The following MAPK8 variants were observed in gnomAD, a reference collection of about 807,000 sequenced individuals.
The protein encoded by MAPK8 is JUN N-terminal kinase.
Under a neutral mutation model 52.9 loss-of-function variants are expected in MAPK8, and 13 were observed. The observed-to-expected ratio is 0.25, with a 90% CI of 0.16 to 0.39. The LOEUF (loss-of-function observed/expected upper bound fraction) is 0.39. Among genes scored for constraint, MAPK8 ranks in the 10% least tolerant of loss-of-function variants. The pLI, the probability that MAPK8 is intolerant of heterozygous loss-of-function variation, is 1.00. For missense variants in MAPK8, 300 were observed against 519.2 expected (o/e 0.58, Z 4.10); for synonymous variants, 191 against 169.8 (o/e 1.12, Z -0.97).
At chr10:48,383,996 C>T (rs2041164304) in intron 1 of MAPK8, among the ~76,000 whole-genome samples, 1 of 152,210 alleles carries the variant, frequency 6.6e-6, no homozygotes, top group Non-Finnish European at 1.5e-5. Flanking sequence ...GTGGCTCATG[C>T]CTGCAATCCC....
rs73293187 is a variant in MAPK8, at chr10:48,331,669, C to T, written c.-50+24848C>T. Among the ~76,000 whole-genome samples the T allele has an allele frequency of 3.5e-3, 527 of 152,284 alleles. 5 individuals are homozygous for T. The highest frequency in any genetic ancestry group is 0.012 in the African/African-American group (514 of 41,562). On this transcript the variant is annotated intron_variant, in intron 1 of 11. Transcript: ENST00000374189. The stretch of plus-strand genomic sequence containing the variant: ...GGCTGGAAGTGGTGAACCGTGAACT[C>T]AAGAGGTGGCATTTGAGTCAGAAGT...
chr10:48,438,596 T>C lies in MAPK8; in HGVS notation c.*3567T>C, dbSNP rs1339162455. 1 of 152,252 alleles carries C rather than the reference T, an allele frequency of 6.6e-6. No individual in the cohort carries two copies. The highest frequency in any genetic ancestry group is 1.5e-5 in the Non-Finnish European group (1 of 68,044). 9.4% of individuals were successfully genotyped at this position (152,252 alleles called of 1,614,324 possible). ...TTTGCACAATGTTCTATTCTCATAA[T>C]GACTTACAAATTAAACTAGGTTTTT... On this transcript the variant is annotated 3_prime_UTR_variant, in exon 12 of 12. Coordinates refer to ENST00000374189, the MANE Select transcript of MAPK8 (RefSeq NM_001323329.2).
At chr10:48,324,212 T>A (rs1156304283) in intron 1 of MAPK8, among the ~76,000 whole-genome samples, 2 of 152,350 alleles carry the variant, frequency 1.3e-5, no homozygotes, top group East Asian at 3.9e-4. Flanking sequence ...TATTCAAGTT[T>A]TGCTAATTAT....
intron 1 of MAPK8, among the ~76,000 whole-genome samples, chr10:48,332,192 C>G (rs951360373): frequency 6.6e-6 from 1 of 152,200 alleles, no homozygotes; most frequent in African/African-American, 2.4e-5. Flanking sequence ...AGGTGACCTA[C>G]GATCACCAGT....
At chr10:48,421,317 A>C (rs1311595736) in intron 6 of MAPK8, among the ~76,000 whole-genome samples, 1 of 152,184 alleles carries the variant, frequency 6.6e-6, no homozygotes, top group Non-Finnish European at 1.5e-5. Context: ...TGTTCTTTTT[A>C]CTTACACTCT....
intron 5 of MAPK8, among the ~76,000 whole-genome samples, chr10:48,413,857 A>ATATATATG (rs1439503845): frequency 4.3e-4 from 54 of 124,552 alleles, no homozygotes; most frequent in African/African-American, 1.5e-3. Flanking sequence ...ATATATATAT[A>ATATATATG]TATTCAGAAA....
chr10:48,433,384 C>A (rs1266786579), intron 11 of MAPK8, among the ~76,000 whole-genome samples: 1 of 152,128 alleles, frequency 6.6e-6, no homozygotes, highest in East Asian at 1.9e-4. Flanking sequence ...AGAAACTAGT[C>A]ATTGTGTACT....
intron 1 of MAPK8, among the ~76,000 whole-genome samples, chr10:48,396,934 C>T (rs1391703556): frequency 6.6e-6 from 1 of 152,080 alleles, no homozygotes; most frequent in Non-Finnish European, 1.5e-5. Context: ...ATTTTCTTAA[C>T]AGTGTCTTTT....
chr10:48,398,153 A>AAAATAAAAAGACATTGTTAAG (rs1314950209), intron 1 of MAPK8, among the ~76,000 whole-genome samples: 7 of 152,200 alleles, frequency 4.6e-5, no homozygotes, highest in Non-Finnish European at 1.0e-4. Flanking sequence ...AAATTATTTC[A>AAAATAAAAAGACATTGTTAAG]AAATAAAAAG....
chr10:48,311,387 T>A (rs1046714841), intron 1 of MAPK8, among the ~76,000 whole-genome samples: 2 of 152,182 alleles, frequency 1.3e-5, no homozygotes, highest in African/African-American at 4.8e-5. Context: ...TATATTAACA[T>A]TTGGACCAGT....
At chr10:48,331,411 G>A (rs1200050332) in intron 1 of MAPK8, among the ~76,000 whole-genome samples, 1 of 152,128 alleles carries the variant, frequency 6.6e-6, no homozygotes, top group Non-Finnish European at 1.5e-5. Context: ...CGAGAAATGG[G>A]GCCAACCCAT....
At chr10:48,352,783 G>A (rs144416107) in intron 1 of MAPK8, among the ~76,000 whole-genome samples, 1 of 152,266 alleles carries the variant, frequency 6.6e-6, no homozygotes, top group African/African-American at 2.4e-5. Flanking sequence ...AAACAAGCGG[G>A]GGGAAAGCCC....
At chr10:48,401,462 C>T (rs564519877) in intron 1 of MAPK8, 150 bp from the exon 2 acceptor site, 6 of 494,562 alleles carry the variant, frequency 1.2e-5, no homozygotes, top group East Asian at 4.0e-5. Context: ...CAAGGCTCTG[C>T]GGTATTTTTT....
chr10:48,340,209 C>T (rs1845115505), intron 1 of MAPK8, among the ~76,000 whole-genome samples: 1 of 152,172 alleles, frequency 6.6e-6, no homozygotes, highest in Non-Finnish European at 1.5e-5. Flanking sequence ...ACCATGGATA[C>T]TACAGAGCCA....
At chr10:48,419,201 C>T (rs1407242782) in intron 5 of MAPK8, among the ~76,000 whole-genome samples, 6 of 152,130 alleles carry the variant, frequency 3.9e-5, no homozygotes, top group African/African-American at 1.4e-4. Flanking sequence ...TGTATGTTAA[C>T]ATTACAAAAG....
At chr10:48,426,709 T>C in intron 9 of MAPK8, 2 of 544,018 alleles carry the variant, frequency 3.7e-6, no homozygotes, top group East Asian at 3.5e-5. Context: ...CCTCCCACTG[T>C]TTTTTGCAAT....
At chr10:48,324,968 T>TGTTTTTTGTTTTC (rs57237282) in intron 1 of MAPK8, among the ~76,000 whole-genome samples, 8 of 151,556 alleles carry the variant, frequency 5.3e-5, no homozygotes, top group Non-Finnish European at 1.2e-4. Context: ...TTTTTGTTTT[T>TGTTTTTTGTTTTC]CTAACCCTAT....
intron 1 of MAPK8, among the ~76,000 whole-genome samples, chr10:48,317,488 G>A (rs1046435254): frequency 3.9e-5 from 6 of 152,212 alleles, no homozygotes; most frequent in African/African-American, 1.2e-4. Context: ...TTGAAAAAGA[G>A]TGAGAAATGA....
chr10:48,393,198 T>G (rs2132872105), intron 1 of MAPK8, among the ~76,000 whole-genome samples: 2 of 152,068 alleles, frequency 1.3e-5, no homozygotes, highest in Admixed American at 1.3e-4. Context: ...AACTCCTACA[T>G]TTATCTTTCA....
Sources: gnomAD v4.1 joint callset for allele counts (sites outside exome capture counted in the v4.1 genomes callset) on GRCh38, gnomAD v4.1.1 for gene constraint, MANE v1.5 for transcripts, NCBI Gene and HGNC (gene_info 2026-07-23, HGNC 2026-07-21) for gene names.